ABCC11: variants seen among roughly 807,000 people sequenced by gnomAD.
ABCC11 encodes ATP-binding cassette sub-family C member 11.
A neutral mutation model predicts 149.3 loss-of-function variants in ABCC11; 135 were observed. The observed-to-expected ratio is 0.90, with a 90% CI of 0.79 to 1.04. ABCC11 has a LOEUF of 1.04. Among genes scored for constraint, ABCC11 ranks in the 50% least tolerant of loss-of-function variants. The pLI is 0.00. For missense variants in ABCC11, 1,680 were observed against 1,722.1 expected (o/e 0.98, Z 0.43); for synonymous variants, 665 against 671.4 (o/e 0.99, Z 0.15).
At chr16:48,203,095 G>T in intron 14 of ABCC11, 133 bp downstream of exon 14, 1 of 998,892 alleles carries the variant, frequency 1.0e-6, no homozygotes, top group Non-Finnish European at 1.5e-6. Context: ...TGCTCCTCCT[G>T]CAGCAGCTGC....
At chr16:48,237,889 A>G (rs563342325) in intron 1 of ABCC11, among the ~76,000 whole-genome samples, 1 of 152,320 alleles carries the variant, frequency 6.6e-6, no homozygotes, top group African/African-American at 2.4e-5. Context: ...CTCATACTGC[A>G]GGGCTCAGTT....
At chr16:48,238,450 A>G (rs1970788321) in intron 1 of ABCC11, among the ~76,000 whole-genome samples, 1 of 152,154 alleles carries the variant, frequency 6.6e-6, no homozygotes, top group Non-Finnish European at 1.5e-5. Flanking sequence ...CGCTTAACAA[A>G]TAACTCTTGA....
intron 17 of ABCC11, among the ~76,000 whole-genome samples, 177 bp downstream of exon 17, chr16:48,197,794 T>C (rs756692787): frequency 6.6e-6 from 1 of 152,118 alleles, no homozygotes; most frequent in Non-Finnish European, 1.5e-5. Context: ...CTCCTGCCCA[T>C]CAGTCTACAC....
At chr16:48,176,311 A>C (rs1202390862) in intron 25 of ABCC11, among the ~76,000 whole-genome samples, 1 of 152,166 alleles carries the variant, frequency 6.6e-6, no homozygotes, top group Non-Finnish European at 1.5e-5. Context: ...AAGTCTTAAC[A>C]GTAGTTTTTG....
At chr16:48,213,288 C>A (rs551698389) in intron 10 of ABCC11, among the ~76,000 whole-genome samples, 155 bp downstream of exon 10, 1 of 152,332 alleles carries the variant, frequency 6.6e-6, no homozygotes, top group East Asian at 1.9e-4. Context: ...TTCCCAGGCT[C>A]CACACCAGCC....
chr16:48,223,694 C>T (rs1207363208), intron 5 of ABCC11: 1 of 152,400 alleles, frequency 6.6e-6, no homozygotes, highest in African/African-American at 2.4e-5. Context: ...TCATGTGACC[C>T]CAGCTGGCCA....
chr16:48,198,421 C>G (rs1967638410), intron 15 of ABCC11, 146 bp from the exon 16 acceptor site: 2 of 916,240 alleles, frequency 2.2e-6, no homozygotes, highest in Middle Eastern at 3.4e-4. Flanking sequence ...TTGGACAACT[C>G]CAAGTGTTGG....
At chr16:48,205,612 GC>G (rs1968373247) in intron 12 of ABCC11, 75 bp from the exon 13 acceptor site, 4 of 1,558,418 alleles carry the variant, frequency 2.6e-6, no homozygotes, top group Non-Finnish European at 3.5e-6. Flanking sequence ...CAGGCACAGT[GC>G]CCAGGGCCCC....
chr16:48,187,373 T>G lies in ABCC11; in HGVS notation c.2761A>C (p.Asn921His). 1 of 1,614,094 alleles carries G rather than the reference T, an allele frequency of 6.2e-7. No homozygotes were observed. Among genetic ancestry groups the G allele is most frequent in the Non-Finnish European group, 8.5e-7 (1 of 1,180,000 alleles). ...FDTIPIGRLLNCFAGDLEQLD... is the reference protein window; with the variant it reads ...FDTIPIGRLLHCFAGDLEQLD... ...TGTTCCAAGTCCCCTGCGAAGCAGTTCAAAAGCCGGCCTATTGGGATGGTG... is the reference window on the plus strand; with the variant it reads ...TGTTCCAAGTCCCCTGCGAAGCAGTGCAAAAGCCGGCCTATTGGGATGGTG... The change falls in exon 21 of 30, where the codon AAC becomes CAC. Residue 921 changes from asparagine to histidine, a missense_variant. Transcript: ENST00000356608.
At chr16:48,178,358 T>A (rs749567105) in intron 24 of ABCC11, among the ~76,000 whole-genome samples, 5 of 152,192 alleles carry the variant, frequency 3.3e-5, no homozygotes, top group African/African-American at 7.2e-5. Flanking sequence ...GAGGAGAAGA[T>A]GATCTCCTCT....
chr16:48,170,026 G>T, intron 28 of ABCC11, 79 bp downstream of exon 28: 1 of 1,114,230 alleles, frequency 9.0e-7, no homozygotes, highest in Non-Finnish European at 1.3e-6. Context: ...CGGTAGTGAA[G>T]GGAGAGGGAG....
At chr16:48,245,895 C>T (rs111908228) in intron 1 of ABCC11, among the ~76,000 whole-genome samples, 7,132 of 152,152 alleles carry the variant, frequency 0.047, 234 homozygotes, top group Middle Eastern at 0.15. Context: ...GCACCCGCCT[C>T]CTATTCCTAA....
At chr16:48,231,978 G>A in intron 1 of ABCC11, 39 bp from the exon 2 acceptor site, 3 of 1,611,592 alleles carry the variant, frequency 1.9e-6, no homozygotes, top group East Asian at 2.2e-5. Flanking sequence ...AAAGACAGCA[G>A]GAGTTAGAAG....
chr16:48,241,783 A>G (rs1794890842), intron 1 of ABCC11, among the ~76,000 whole-genome samples: 1 of 152,222 alleles, frequency 6.6e-6, no homozygotes, highest in East Asian at 1.9e-4. Flanking sequence ...TGACAAAAAC[A>G]AGAAATGGGG....
chr16:48,205,248 A>G (rs1968329795), intron 13 of ABCC11, among the ~76,000 whole-genome samples, 165 bp downstream of exon 13: 1 of 152,176 alleles, frequency 6.6e-6, no homozygotes, highest in African/African-American at 2.4e-5. Flanking sequence ...ATTCATCTGG[A>G]AAATTGATAT....
At chr16:48,222,064 AC>A (rs1329896855) in intron 6 of ABCC11, among the ~76,000 whole-genome samples, 1 of 150,204 alleles carries the variant, frequency 6.7e-6, no homozygotes, top group African/African-American at 2.5e-5. Context: ...ACAGGCATGT[AC>A]CACCAAGCCC....
At chr16:48,172,649 A>C (rs1480212405) in intron 26 of ABCC11, among the ~76,000 whole-genome samples, 2 of 152,070 alleles carry the variant, frequency 1.3e-5, no homozygotes, top group Non-Finnish European at 2.9e-5. Flanking sequence ...TCTCTGCACA[A>C]TTTTACATCC....
chr16:48,224,885 C>T (rs939022945), intron 4 of ABCC11, among the ~76,000 whole-genome samples: 4 of 151,984 alleles, frequency 2.6e-5, no homozygotes, highest in East Asian at 1.9e-4. Context: ...TTAGTTGGCA[C>T]GGTGGCATGC....
chr16:48,244,816 A>G (rs1258261664), intron 1 of ABCC11, among the ~76,000 whole-genome samples: 1 of 152,214 alleles, frequency 6.6e-6, no homozygotes, highest in East Asian at 1.9e-4. Flanking sequence ...GAGATCGTTC[A>G]TGAAGTAGTG....
Sources: gnomAD v4.1 joint callset for allele counts (sites outside exome capture counted in the v4.1 genomes callset) on GRCh38, gnomAD v4.1.1 for gene constraint, MANE v1.5 for transcripts, NCBI Gene and HGNC (gene_info 2026-07-23, HGNC 2026-07-21) for gene names.